CNTNAP2: variants seen among roughly 807,000 people sequenced by gnomAD.
CNTNAP2 encodes the protein contactin associated protein 2.
A neutral mutation model predicts 155.2 loss-of-function variants in CNTNAP2; 98 were observed. The ratio of observed to expected loss-of-function variants is 0.63; its 90% CI spans 0.54 to 0.75. The LOEUF is 0.75. CNTNAP2 is among the 30% of genes least tolerant of loss of function. The pLI is 0.00. For synonymous variants in CNTNAP2, 651 were observed against 631.2 expected (o/e 1.03, Z -0.47); for missense variants, 1,727 against 1,688.1 (o/e 1.02, Z -0.40).
At chr7:146,689,400 C>T (rs931995384) in intron 1 of CNTNAP2, among the ~76,000 whole-genome samples, 2 of 151,686 alleles carry the variant, frequency 1.3e-5, no homozygotes, top group Admixed American at 6.6e-5. Flanking sequence ...ATGAGATCAT[C>T]CAGGGTAGGA....
chr7:146,743,072 A>G (rs1463416735), intron 1 of CNTNAP2, among the ~76,000 whole-genome samples: 1 of 152,144 alleles, frequency 6.6e-6, no homozygotes, highest in Non-Finnish European at 1.5e-5. Flanking sequence ...CGAAACCCTG[A>G]TAGGTATTTC....
intron 4 of CNTNAP2, among the ~76,000 whole-genome samples, chr7:147,090,714 TTG>T (rs1800383618): frequency 6.6e-6 from 1 of 152,284 alleles, no homozygotes; most frequent in East Asian, 1.9e-4. Flanking sequence ...TAATTATTCT[TTG>T]TAAAAATTAA....
At chr7:147,804,156 C>T (rs1208259771) in intron 13 of CNTNAP2, among the ~76,000 whole-genome samples, 6 of 152,306 alleles carry the variant, frequency 3.9e-5, no homozygotes, top group South Asian at 4.1e-4. Context: ...GAAGCACTTA[C>T]TTGAAAAGCT....
chr7:147,499,195 A>G (rs1391847903), intron 11 of CNTNAP2, among the ~76,000 whole-genome samples: 1 of 152,126 alleles, frequency 6.6e-6, no homozygotes, highest in African/African-American at 2.4e-5. Flanking sequence ...TTAAGAATAA[A>G]TATACAAGTT....
At chr7:146,214,465 C>T (rs1447396190) in intron 1 of CNTNAP2, among the ~76,000 whole-genome samples, 1 of 152,130 alleles carries the variant, frequency 6.6e-6, no homozygotes, top group African/African-American at 2.4e-5. Flanking sequence ...TGCCTTTCAA[C>T]CCCAGACACT....
intron 2 of CNTNAP2, among the ~76,000 whole-genome samples, chr7:146,776,731 T>A (rs1006045697): frequency 1.4e-4 from 21 of 152,172 alleles, no homozygotes; most frequent in Non-Finnish European, 4.4e-5. Context: ...TATAGGTTTT[T>A]TGCTCTCATT....
At chr7:146,785,910 A>G (rs2129188006) in intron 2 of CNTNAP2, among the ~76,000 whole-genome samples, 1 of 152,332 alleles carries the variant, frequency 6.6e-6, no homozygotes, top group African/African-American at 2.4e-5. Context: ...AACAGAATAC[A>G]TTGTATCGGT....
At chr7:146,667,409 A>G (rs1301082466) in intron 1 of CNTNAP2, among the ~76,000 whole-genome samples, 1 of 152,216 alleles carries the variant, frequency 6.6e-6, no homozygotes, top group South Asian at 2.1e-4. Context: ...TAAATCTGGT[A>G]ATATGATGCT....
chr7:147,903,209 C>T (rs144781764), intron 13 of CNTNAP2, among the ~76,000 whole-genome samples: 43 of 152,288 alleles, frequency 2.8e-4, no homozygotes, highest in Non-Finnish European at 5.1e-4. Flanking sequence ...TTTTGATTTG[C>T]ATTTCCCTGA....
intron 1 of CNTNAP2, among the ~76,000 whole-genome samples, chr7:146,472,313 T>C (rs943860200): frequency 1.3e-5 from 2 of 152,214 alleles, no homozygotes; most frequent in Non-Finnish European, 2.9e-5. Flanking sequence ...ATATTCTGCA[T>C]CCAAATAATT....
chr7:146,616,985 AG>A (rs1412444797), intron 1 of CNTNAP2, among the ~76,000 whole-genome samples: 1 of 151,886 alleles, frequency 6.6e-6, no homozygotes, highest in East Asian at 1.9e-4. Flanking sequence ...TGGATGTAAT[AG>A]AAAAAGTGTG....
At chr7:146,626,695 A>C (rs6950192) in intron 1 of CNTNAP2, among the ~76,000 whole-genome samples, 1 of 152,182 alleles carries the variant, frequency 6.6e-6, no homozygotes, top group Non-Finnish European at 1.5e-5. Flanking sequence ...CATAAAAAGT[A>C]AAAAGATACA....
intron 13 of CNTNAP2, among the ~76,000 whole-genome samples, chr7:147,783,280 T>C (rs939227004): frequency 9.9e-5 from 15 of 152,218 alleles, no homozygotes; most frequent in African/African-American, 3.4e-4. Flanking sequence ...TTGTAGGCTT[T>C]TCTGAGAGTT....
Position 147,541,512 on chromosome 7 carries a change from G to A in CNTNAP2, c.1778-20626G>A, listed in dbSNP as rs144022072. Among the ~76,000 whole-genome samples, 15 of 152,234 alleles carry A rather than the reference G, an allele frequency of 9.9e-5. No homozygotes were observed. In the East Asian group the frequency reaches 1.4e-3, roughly 14 times the overall value. On this transcript the variant is annotated intron_variant, in intron 11 of 23. Transcript: ENST00000361727. ...GAGGGAGATAGATCACATGCTCTCCGAGGTCTTCTCAAATTCTAAAATTCT... is the reference window on the plus strand; with the variant it reads ...GAGGGAGATAGATCACATGCTCTCCAAGGTCTTCTCAAATTCTAAAATTCT...
intron 13 of CNTNAP2, among the ~76,000 whole-genome samples, chr7:147,851,149 C>A (rs1180969019): frequency 6.6e-6 from 1 of 152,194 alleles, no homozygotes; most frequent in Non-Finnish European, 1.5e-5. Flanking sequence ...GACATTTATG[C>A]AGCCAACAGA....
At chr7:146,232,427 A>G (rs1799401600) in intron 1 of CNTNAP2, among the ~76,000 whole-genome samples, 1 of 152,104 alleles carries the variant, frequency 6.6e-6, no homozygotes, top group African/African-American at 2.4e-5. Context: ...AATGAATTTG[A>G]AATTGAGAAA....
At chr7:146,969,735 A>G (rs969346692) in intron 3 of CNTNAP2, among the ~76,000 whole-genome samples, 9 of 152,134 alleles carry the variant, frequency 5.9e-5, no homozygotes, top group African/African-American at 2.2e-4. Context: ...GCACCAAAAA[A>G]GAGCCTGCAT....
rs568661856 is a variant in CNTNAP2 at position 146,469,092 on chromosome 7, A to T, written c.98-305179A>T. Among the ~76,000 whole-genome samples, 23 of 152,346 alleles carry T rather than the reference A, an allele frequency of 1.5e-4. No individual in the cohort carries two copies. In the East Asian group the frequency reaches 3.5e-3, roughly 23 times the overall value. On this transcript the variant is annotated intron_variant, in intron 1 of 23. Coordinates refer to ENST00000361727, the MANE Select transcript of CNTNAP2 (RefSeq NM_014141.6). ...CTGAAATACTGTGTTGTTGCAAAGTAATATGCAGCATCCAGCTCCTCCTTC... is the reference window on the plus strand; with the variant it reads ...CTGAAATACTGTGTTGTTGCAAAGTTATATGCAGCATCCAGCTCCTCCTTC...
At chr7:147,458,726 A>G (rs1437970934) in intron 10 of CNTNAP2, among the ~76,000 whole-genome samples, 1 of 152,218 alleles carries the variant, frequency 6.6e-6, no homozygotes, top group African/African-American at 2.4e-5. Context: ...AGAAATCGGA[A>G]TCTCATTTAT....
Sources: allele counts gnomAD v4.1 joint callset (sites outside exome capture counted in the v4.1 genomes callset), GRCh38; gene constraint gnomAD v4.1.1; transcripts MANE v1.5; gene names NCBI Gene and HGNC (gene_info 2026-07-23, HGNC 2026-07-21).